SMAD6: variants seen among roughly 807,000 people sequenced by gnomAD.
SMAD6 encodes MAD homolog 6.
SMAD6 carries 103 observed loss-of-function variants against 39.4 expected under a neutral mutation model. The observed-to-expected ratio is 2.62, with a 90% CI of 2.23 to 3.08. The LOEUF is 3.08. SMAD6 is among the 30% of genes most tolerant of loss of function. SMAD6 has a pLI of 0.00. For missense variants in SMAD6, 1,104 were observed against 742.9 expected, an observed-to-expected ratio of 1.49 and a Z score of -5.65; for synonymous variants, 445 against 353.3, an observed-to-expected ratio of 1.26 and a Z score of -2.91.
At chr15:66,774,634 T>G (rs1894434601) in intron 3 of SMAD6, among the ~76,000 whole-genome samples, 1 of 152,170 alleles carries the variant, frequency 6.6e-6, no homozygotes, top group Non-Finnish European at 1.5e-5. Flanking sequence ...TGCCACTTTC[T>G]TCTTTTTAAT....
intron 3 of SMAD6, among the ~76,000 whole-genome samples, chr15:66,723,080 A>G (rs1893462113): frequency 6.6e-6 from 1 of 152,178 alleles, no homozygotes; most frequent in South Asian, 2.1e-4. Context: ...GGGAGTAGTC[A>G]AAGAGCTAGG....
intron 3 of SMAD6, among the ~76,000 whole-genome samples, chr15:66,775,747 C>T (rs1038824806): frequency 2.0e-5 from 3 of 152,194 alleles, no homozygotes; most frequent in African/African-American, 7.2e-5. Context: ...GTGTCTGACT[C>T]CTTGGTATTT....
intron 3 of SMAD6, among the ~76,000 whole-genome samples, chr15:66,727,709 C>T (rs551704793): frequency 2.0e-5 from 3 of 152,286 alleles, no homozygotes; most frequent in South Asian, 4.1e-4. Context: ...AATTGATACA[C>T]GGATGACTGT....
Position 66,703,613 on chromosome 15 carries a change from AGT to A in SMAD6, c.357_358del (p.Ser119ArgfsTer183). The stretch of plus-strand genomic sequence containing the variant: ...GGGAGGCCCGGGCTGGCTGCCCGAG[AGT>A]GACTGCGAGACGGTGACCTGCTGTC... ...EPGGPGWLPE[S>X]DCETVTCCLF... On this transcript the variant is annotated frameshift_variant, in exon 1 of 4. Coordinates refer to ENST00000288840, the MANE Select transcript of SMAD6 (RefSeq NM_005585.5). LOFTEE classifies it high-confidence loss of function. 8.1e-7 allele frequency: 1 copy of A among 1,229,474 alleles called. No homozygotes were observed. Among genetic ancestry groups the A allele is most frequent in the Non-Finnish European group, 1.0e-6 (1 of 983,508 alleles). 76.2% of individuals were successfully genotyped at this position (1,229,474 alleles called of 1,614,324 possible).
At chr15:66,717,101 G>T (rs749807803) in intron 3 of SMAD6, 1 of 1,288,884 alleles carries the variant, frequency 7.8e-7, no homozygotes, top group Non-Finnish European at 1.0e-6. Flanking sequence ...CCCTACATCC[G>T]GAGGAATACC....
rs528790174 is a variant in SMAD6 at position 66,727,642 on chromosome 15, A to C, written c.952+11144A>C. Among the ~76,000 whole-genome samples the C allele has an allele frequency of 2.0e-5, 3 of 152,288 alleles. No individual in the cohort carries two copies. The East Asian group carries it at 5.8e-4, about 29-fold the overall frequency. On this transcript the variant is annotated intron_variant, in intron 3 of 3. Coordinates refer to ENST00000288840, the MANE Select transcript of SMAD6 (RefSeq NM_005585.5). The stretch of plus-strand genomic sequence containing the variant: ...GGGAGAGGGCCTTGAATGCCACTTC[A>C]GGGAGGGCTGGACTTCTATCTGGTA...
intron 3 of SMAD6, among the ~76,000 whole-genome samples, chr15:66,767,330 T>C (rs1041485873): frequency 1.3e-5 from 2 of 152,192 alleles, no homozygotes; most frequent in Non-Finnish European, 2.9e-5. Context: ...TTGGCCTCCT[T>C]CTGCCTTGGA....
At chr15:66,731,213 C>A (rs947343363) in intron 3 of SMAD6, among the ~76,000 whole-genome samples, 2 of 151,752 alleles carry the variant, frequency 1.3e-5, no homozygotes, top group Non-Finnish European at 2.9e-5. Flanking sequence ...CCGAGGCGGG[C>A]GGATCACGAG....
intron 3 of SMAD6, among the ~76,000 whole-genome samples, chr15:66,775,737 G>A (rs1192179778): frequency 6.6e-6 from 1 of 152,208 alleles, no homozygotes; most frequent in African/African-American, 2.4e-5. Flanking sequence ...TTGTTCACTC[G>A]TGTCTGACTC....
At chr15:66,708,359 A>C (rs1428715996) in intron 1 of SMAD6, 2 of 175,986 alleles carry the variant, frequency 1.1e-5, no homozygotes, top group African/African-American at 4.7e-5. Flanking sequence ...TCACCCACCA[A>C]GTGTCCCACC....
At chr15:66,777,814 C>G (rs1162554967) in intron 3 of SMAD6, among the ~76,000 whole-genome samples, 1 of 152,244 alleles carries the variant, frequency 6.6e-6, no homozygotes, top group Non-Finnish European at 1.5e-5. Context: ...GTAACCCAGT[C>G]TGTTCAACCA....
At chr15:66,752,605 T>C (rs8040232) in intron 3 of SMAD6, among the ~76,000 whole-genome samples, 66,901 of 151,536 alleles carry the variant, frequency 0.44, 15,631 homozygotes, top group Admixed American at 0.56. Context: ...GGCAACATAG[T>C]GAGGCCCTGT....
intron 1 of SMAD6, chr15:66,704,350 G>A: frequency 3.1e-6 from 1 of 323,994 alleles, no homozygotes; most frequent in Non-Finnish European, 5.6e-6. Context: ...CATGATGTAG[G>A]CTCCAACTTC....
At chr15:66,711,354 C>G (rs1161332552) in intron 1 of SMAD6, among the ~76,000 whole-genome samples, 3 of 152,110 alleles carry the variant, frequency 2.0e-5, no homozygotes, top group African/African-American at 7.2e-5. Flanking sequence ...ATACATTATC[C>G]CAGCAAACCT....
At chr15:66,710,752 GTA>G (rs1447014755) in intron 1 of SMAD6, among the ~76,000 whole-genome samples, 2 of 151,776 alleles carry the variant, frequency 1.3e-5, no homozygotes, top group African/African-American at 4.8e-5. Context: ...TGAAAGCAAA[GTA>G]TATGTTTTTA....
chr15:66,737,940 A>G (rs1893743097), intron 3 of SMAD6, among the ~76,000 whole-genome samples: 1 of 152,150 alleles, frequency 6.6e-6, no homozygotes, highest in Admixed American at 6.5e-5. Context: ...GACCCTGGTT[A>G]GGAGAGGGAA....
At chr15:66,743,671 C>G (rs1051798206) in intron 3 of SMAD6, among the ~76,000 whole-genome samples, 5 of 152,004 alleles carry the variant, frequency 3.3e-5, no homozygotes, top group Non-Finnish European at 5.9e-5. Flanking sequence ...ATGCTACCAC[C>G]CTAAAAGAAA....
At position 66,728,153 on chromosome 15, in the gene SMAD6, C is replaced by T. The variant is rs545364882; in HGVS notation, c.952+11655C>T. Reference sequence around the variant, plus strand: ...CTGGCGTGAGCCACACCACGCCTGGCCAAAGTGAGCTTTCTTGTGTCACTA... The same window carrying T: ...CTGGCGTGAGCCACACCACGCCTGGTCAAAGTGAGCTTTCTTGTGTCACTA... On this transcript the variant is annotated intron_variant, in intron 3 of 3. Coordinates refer to ENST00000288840, the MANE Select transcript of SMAD6 (RefSeq NM_005585.5). 3.3e-5 allele frequency among the ~76,000 whole-genome samples: 5 copies of T among 152,276 alleles called. No homozygotes were observed. The East Asian group carries it at 9.7e-4, about 29-fold the overall frequency.
chr15:66,755,032 GCC>G (rs1183895683), intron 3 of SMAD6, among the ~76,000 whole-genome samples: 1 of 152,096 alleles, frequency 6.6e-6, no homozygotes, highest in African/African-American at 2.4e-5. Flanking sequence ...CCTTCTCTGG[GCC>G]TGTAAATTAC....
Sources: allele counts gnomAD v4.1 joint callset (sites outside exome capture counted in the v4.1 genomes callset), GRCh38; gene constraint gnomAD v4.1.1; transcripts MANE v1.5; gene names NCBI Gene and HGNC (gene_info 2026-07-23, HGNC 2026-07-21).